The following ST6GAL1 variants were observed in gnomAD, a reference collection of about 807,000 sequenced individuals.
The protein encoded by ST6GAL1 is beta-galactoside alpha-2,6-sialyltransferase 1.
A neutral mutation model predicts 38.0 loss-of-function variants in ST6GAL1; 20 were observed. That is an observed-to-expected ratio of 0.53 (90% CI 0.37 to 0.77). ST6GAL1 has a LOEUF of 0.77. Ranked by LOEUF, ST6GAL1 falls within the 30% of genes least tolerant of loss-of-function variation. The probability of loss-of-function intolerance (pLI) is 0.00; values close to 1 mark genes in which losing one functional copy is unlikely to be tolerated. For synonymous variants in ST6GAL1, 196 were observed against 188.2 expected, an observed-to-expected ratio of 1.04 and a Z score of -0.34; for missense variants, 432 against 496.4, an observed-to-expected ratio of 0.87 and a Z score of 1.23.
intron 2 of ST6GAL1, among the ~76,000 whole-genome samples, chr3:186,974,680 CATTAATTA>C (rs899411646): frequency 6.7e-6 from 1 of 148,450 alleles, no homozygotes; most frequent in African/African-American, 2.5e-5. Context: ...AGGAAGATCT[CATTAATTA>C]ATTAATTAAT....
At chr3:186,993,691 G>C (rs2108547445) in intron 2 of ST6GAL1, among the ~76,000 whole-genome samples, 1 of 152,108 alleles carries the variant, frequency 6.6e-6, no homozygotes, top group Non-Finnish European at 1.5e-5. Flanking sequence ...TGCTAGAAAA[G>C]AAAAGGGTGG....
chr3:186,952,230 C>G lies in ST6GAL1; in HGVS notation c.-324-11555C>G, dbSNP rs1406878945. Among the ~76,000 whole-genome samples the G allele has an allele frequency of 6.6e-6, 1 of 152,112 alleles. No individual in the cohort carries two copies. Among genetic ancestry groups the G allele is most frequent in the Non-Finnish European group, 1.5e-5 (1 of 68,032 alleles). ...CCTGCACTCCCTCTTCTCTCATTCT[C>G]ATTTAAACTCAACATGATCAGTCTT... On this transcript the variant is annotated intron_variant, in intron 1 of 7. Coordinates refer to ENST00000169298, the MANE Select transcript of ST6GAL1 (RefSeq NM_173216.2). The surrounding 1 kb of genome is among the most constrained non-coding windows in gnomAD (Gnocchi z 4.1).
intron 2 of ST6GAL1, among the ~76,000 whole-genome samples, chr3:187,023,263 G>A (rs1241701417): frequency 1.3e-5 from 2 of 152,154 alleles, no homozygotes; most frequent in Non-Finnish European, 2.9e-5. Context: ...ACTCCAAGCT[G>A]TCCCTATTTC....
intron 4 of ST6GAL1, among the ~76,000 whole-genome samples, chr3:187,046,741 A>T (rs1436202969): frequency 6.6e-6 from 1 of 152,080 alleles, no homozygotes; most frequent in East Asian, 1.9e-4. Flanking sequence ...ATGATCAGTT[A>T]TATCAGGGGT....
chr3:186,932,671 C>T (rs1440904371), intron 1 of ST6GAL1, among the ~76,000 whole-genome samples: 2 of 152,150 alleles, frequency 1.3e-5, no homozygotes, highest in African/African-American at 4.8e-5. Context: ...TGACATCAGC[C>T]CCACGGGGAA....
At chr3:186,967,492 C>T (rs1370018584) in intron 2 of ST6GAL1, among the ~76,000 whole-genome samples, 6 of 152,116 alleles carry the variant, frequency 3.9e-5, no homozygotes, top group Admixed American at 6.6e-5. Context: ...GCGCCTGGCC[C>T]GAACACAGAG....
intron 1 of ST6GAL1, among the ~76,000 whole-genome samples, chr3:186,955,015 T>C (rs1714700953): frequency 6.6e-6 from 1 of 152,232 alleles, no homozygotes; most frequent in Admixed American, 6.5e-5. Flanking sequence ...GGGTAAGGTA[T>C]AAGGAATGGG....
Position 187,075,337 on chromosome 3 carries a change from G to T in ST6GAL1, c.980-225G>T, listed in dbSNP as rs954623967. ...TATTATTCACCAGGCCCTGGCCTAGGTGCTGGGGATTCAAAGGTGTATAAC... is the reference window on the plus strand; with the variant it reads ...TATTATTCACCAGGCCCTGGCCTAGTTGCTGGGGATTCAAAGGTGTATAAC... On this transcript the variant is annotated intron_variant, in intron 7 of 7. Coordinates refer to ENST00000169298, the MANE Select transcript of ST6GAL1 (RefSeq NM_173216.2). This position sits in a 1 kb window ranked among gnomAD's most constrained non-coding sequence, Gnocchi z 4.1. Among the ~76,000 whole-genome samples, 2 of 152,206 alleles carry T rather than the reference G, an allele frequency of 1.3e-5. No homozygotes were observed. The highest frequency in any genetic ancestry group is 2.4e-5 in the African/African-American group (1 of 41,448).
chr3:187,074,116 T>A, intron 6 of ST6GAL1, 43 bp from the exon 7 acceptor site: 4 of 1,541,166 alleles, frequency 2.6e-6, no homozygotes, highest in Non-Finnish European at 3.5e-6. Context: ...AGCAGCTCAC[T>A]GGCCCATTTC....
intron 2 of ST6GAL1, among the ~76,000 whole-genome samples, chr3:187,020,660 A>G (rs1342908233): frequency 6.6e-6 from 1 of 152,244 alleles, no homozygotes; most frequent in Non-Finnish European, 1.5e-5. Context: ...AGAAATCTGC[A>G]TGGTAGCCTC....
chr3:187,002,447 A>T (rs757396947), intron 2 of ST6GAL1, among the ~76,000 whole-genome samples: 3 of 152,222 alleles, frequency 2.0e-5, no homozygotes, highest in Non-Finnish European at 4.4e-5. Context: ...GGTCTGTCCA[A>T]CTTTCCCTCA....
At chr3:186,949,031 G>C (rs1489635505) in intron 1 of ST6GAL1, 6 of 152,224 alleles carry the variant, frequency 3.9e-5, no homozygotes, top group African/African-American at 1.2e-4. Context: ...AGTAGCCCGT[G>C]GTGGGAAGCC....
At chr3:187,009,936 C>T (rs1360150727) in intron 2 of ST6GAL1, among the ~76,000 whole-genome samples, 3 of 151,740 alleles carry the variant, frequency 2.0e-5, no homozygotes, top group Non-Finnish European at 2.9e-5. Context: ...ACCCGGGAGT[C>T]GGAGGTTGCG....
chr3:186,993,081 G>C (rs1380559354), intron 2 of ST6GAL1, among the ~76,000 whole-genome samples: 1 of 152,118 alleles, frequency 6.6e-6, no homozygotes, highest in Non-Finnish European at 1.5e-5. Flanking sequence ...ATAGCTGTGG[G>C]CTGCAACTCT....
chr3:187,048,275 C>T (rs533601949), intron 4 of ST6GAL1, among the ~76,000 whole-genome samples: 14 of 152,276 alleles, frequency 9.2e-5, no homozygotes, highest in African/African-American at 3.1e-4. Context: ...CACGTCCAAA[C>T]TTCATACCTG....
intron 2 of ST6GAL1, among the ~76,000 whole-genome samples, chr3:187,036,614 T>G (rs1051757537): frequency 6.6e-6 from 1 of 152,208 alleles, no homozygotes; most frequent in African/African-American, 2.4e-5. Context: ...TGGATGCAGC[T>G]GGAAGCCATT....
rs1362174809 is a variant in ST6GAL1 at position 187,046,923 on chromosome 3, C to A, written c.607+3613C>A. ...AACTTTATTTACAAAATGAGGGATG[C>A]ACCAGATTTGTCCTTCAAGTCATAG... On this transcript the variant is annotated intron_variant, in intron 4 of 7. Coordinates refer to ENST00000169298, the MANE Select transcript of ST6GAL1 (RefSeq NM_173216.2). Among the ~76,000 whole-genome samples the A allele has an allele frequency of 2.0e-5, 3 of 152,296 alleles. No individual in the cohort carries two copies. In the East Asian group the frequency reaches 5.8e-4, roughly 29 times the overall value.
At chr3:186,981,063 T>C (rs1455794191) in intron 2 of ST6GAL1, among the ~76,000 whole-genome samples, 1 of 152,170 alleles carries the variant, frequency 6.6e-6, no homozygotes, top group Non-Finnish European at 1.5e-5. Flanking sequence ...GTAGAGCAGC[T>C]ATGCAAAGCA....
chr3:187,074,535 T>C (rs1439276521), intron 7 of ST6GAL1, among the ~76,000 whole-genome samples: 3 of 152,166 alleles, frequency 2.0e-5, no homozygotes, highest in East Asian at 3.9e-4. Flanking sequence ...AGGGCATCTA[T>C]TGGGGAGGTC....
Sources: allele counts gnomAD v4.1 joint callset (sites outside exome capture counted in the v4.1 genomes callset), GRCh38; gene constraint gnomAD v4.1.1; non-coding constraint Gnocchi (gnomAD v3.1); transcripts MANE v1.5; gene names NCBI Gene and HGNC (gene_info 2026-07-23, HGNC 2026-07-21).